VPS13A: variants seen among roughly 807,000 people sequenced by gnomAD.
VPS13A encodes the protein intermembrane lipid transfer protein VPS13A.
A neutral mutation model predicts 390.9 loss-of-function variants in VPS13A; 264 were observed. The ratio of observed to expected loss-of-function variants is 0.68; its 90% confidence interval spans 0.61 to 0.75. The LOEUF is 0.75. VPS13A is among the 30% of genes least tolerant of loss of function. The pLI is 0.00. For synonymous variants in VPS13A, 1,231 were observed against 1,227.1 expected (o/e 1.00, Z -0.07); for missense variants, 3,409 against 3,733.9 (o/e 0.91, Z 2.27).
intron 47 of VPS13A, chr9:77,338,441 A>G (rs1211464170): frequency 6.6e-6 from 1 of 152,176 alleles, no homozygotes; most frequent in Admixed American, 6.5e-5. Flanking sequence ...TGCTAGCTGT[A>G]TGTTCTTAAG....
intron 68 of VPS13A, among the ~76,000 whole-genome samples, chr9:77,383,241 A>C (rs1430815308): frequency 6.6e-6 from 1 of 152,000 alleles, no homozygotes; most frequent in Admixed American, 6.6e-5. Flanking sequence ...CATAGAGTTA[A>C]TATGCAATAT....
intron 71 of VPS13A, among the ~76,000 whole-genome samples, chr9:77,411,808 G>C (rs1379272738): frequency 6.6e-6 from 1 of 151,946 alleles, no homozygotes. Flanking sequence ...TCCAGGAGCT[G>C]GTTTTTTGAA....
intron 39 of VPS13A, 130 bp from the exon 40 acceptor site, chr9:77,317,476 T>C: frequency 1.6e-6 from 1 of 633,026 alleles, no homozygotes; most frequent in Non-Finnish European, 2.7e-6. Context: ...GAGTGTATTA[T>C]TAAGTCACTT....
At position 77,321,615 on chromosome 9, in the gene VPS13A, A is replaced by C; in HGVS notation, c.5699A>C (p.Asn1900Thr). Residue 1900 changes from asparagine (N) to threonine (T), a missense_variant, in exon 44 of 72, where the codon AAC (asparagine) becomes ACC (threonine). Asn to Thr is a moderately conservative substitution (Grantham distance 65). Around this residue, in one of 5 missense-constraint regions of VPS13A, gnomAD observed 2,717 missense variants for 2,917.4 expected, o/e 0.93. Transcript: ENST00000360280. ...VSPSDSFSVL[N>T]IPMAKSYVLK... is the part of the protein sequence containing the mutation. ...CCAAGTGATTCTTTTAGTGTACTCA[A>C]CATTCCTATGGCAAAATCATATGTA... 1 of 1,613,430 alleles carries C rather than the reference A, an allele frequency of 6.2e-7. No homozygotes were observed. The highest frequency in any genetic ancestry group is 8.5e-7 in the Non-Finnish European group (1 of 1,179,604).
chr9:77,323,026 G>T (rs1829830518), intron 44 of VPS13A, 41 bp from the exon 45 acceptor site: 18 of 1,450,094 alleles, frequency 1.2e-5, no homozygotes, highest in Non-Finnish European at 1.6e-5. Flanking sequence ...AATATGTAAT[G>T]AATTATAATA....
intron 1 of VPS13A, among the ~76,000 whole-genome samples, chr9:77,192,698 T>C (rs1187734342): frequency 6.6e-6 from 1 of 152,222 alleles, no homozygotes; most frequent in Non-Finnish European, 1.5e-5. Flanking sequence ...GGATTTCTGC[T>C]GAAAGGTCTG....
intron 54 of VPS13A, among the ~76,000 whole-genome samples, chr9:77,355,030 G>T (rs1048785475): frequency 6.6e-6 from 1 of 152,078 alleles, no homozygotes; most frequent in African/African-American, 2.4e-5. Flanking sequence ...AATTGTTTCA[G>T]TGTTACTTCT....
intron 38 of VPS13A, 133 bp from the exon 39 acceptor site, chr9:77,316,041 G>A (rs1829360819): frequency 2.6e-6 from 1 of 382,450 alleles, no homozygotes; most frequent in South Asian, 1.0e-4. Flanking sequence ...ACTAAGGGTT[G>A]TAGTTGATTC....
chr9:77,222,441 G>A (rs148677167), intron 13 of VPS13A, among the ~76,000 whole-genome samples: 1 of 152,252 alleles, frequency 6.6e-6, no homozygotes, highest in Non-Finnish European at 1.5e-5. Flanking sequence ...TATTTCAATA[G>A]CTATGACAAC....
intron 1 of VPS13A, among the ~76,000 whole-genome samples, chr9:77,184,794 G>GA (rs1824232412): frequency 6.6e-6 from 1 of 151,950 alleles, no homozygotes. Context: ...TGGTCATGAC[G>GA]TGTATGTTTA....
chr9:77,280,827 G>C (rs1363715752), intron 27 of VPS13A, among the ~76,000 whole-genome samples: 2 of 152,066 alleles, frequency 1.3e-5, no homozygotes. Context: ...TTATTGACTA[G>C]ATGTCTTAAG....
chr9:77,274,729 T>C (rs1489614278), intron 24 of VPS13A, among the ~76,000 whole-genome samples: 5 of 152,120 alleles, frequency 3.3e-5, no homozygotes, highest in African/African-American at 4.8e-5. Flanking sequence ...ACTTTAAAAA[T>C]TGATAAATGT....
chr9:77,408,367 A>G (rs1271000831), intron 71 of VPS13A, among the ~76,000 whole-genome samples: 1 of 152,238 alleles, frequency 6.6e-6, no homozygotes, highest in Admixed American at 6.5e-5. Context: ...AGTGTGAGCG[A>G]CACAGAAGAT....
At chr9:77,179,762 T>C (rs1433930915) in intron 1 of VPS13A, among the ~76,000 whole-genome samples, 3 of 143,078 alleles carry the variant, frequency 2.1e-5, no homozygotes, top group Non-Finnish European at 3.1e-5. Context: ...TCAGTGTTTT[T>C]TAGTATAGTC....
intron 19 of VPS13A, among the ~76,000 whole-genome samples, chr9:77,241,117 T>C (rs1430277529): frequency 3.9e-5 from 6 of 152,178 alleles, no homozygotes; most frequent in Non-Finnish European, 8.8e-5. Context: ...ACTAACTCTT[T>C]ACATATATTC....
At chr9:77,334,301 A>G (rs1020261863) in intron 46 of VPS13A, among the ~76,000 whole-genome samples, 1 of 152,122 alleles carries the variant, frequency 6.6e-6, no homozygotes, top group Non-Finnish European at 1.5e-5. Flanking sequence ...TTTTATCTCC[A>G]TCTATTAGTT....
intron 17 of VPS13A, among the ~76,000 whole-genome samples, chr9:77,232,106 T>G (rs183455836): frequency 2.3e-4 from 35 of 152,338 alleles, no homozygotes; most frequent in African/African-American, 7.2e-4. Flanking sequence ...TATCTCATTT[T>G]TATTCTAGAC....
intron 45 of VPS13A, among the ~76,000 whole-genome samples, chr9:77,325,546 T>C (rs1829972497): frequency 1.3e-5 from 2 of 152,120 alleles, no homozygotes; most frequent in Middle Eastern, 6.8e-3. Context: ...TGTTCTTTGC[T>C]TCCATCTTCC....
intron 23 of VPS13A, among the ~76,000 whole-genome samples, chr9:77,262,818 T>C (rs965797175): frequency 6.6e-6 from 1 of 152,246 alleles, no homozygotes; most frequent in Non-Finnish European, 1.5e-5. Flanking sequence ...AGCATTTTCT[T>C]TATCCAGTCT....
Sources: gnomAD v4.1 joint callset for allele counts (sites outside exome capture counted in the v4.1 genomes callset) on GRCh38, gnomAD v4.1.1 for gene constraint, gnomAD v4.1.1 regional missense constraint, MANE v1.5 for transcripts, NCBI Gene and HGNC (gene_info 2026-07-23, HGNC 2026-07-21) for gene names.